AKAP13: variants seen among roughly 807,000 people sequenced by gnomAD.
AKAP13 encodes A-kinase anchoring protein 13, also known as A-kinase anchor protein 13.
Under a neutral mutation model 264.5 loss-of-function variants are expected in AKAP13, and 80 were observed. The observed-to-expected ratio is 0.30, with a 90% CI of 0.25 to 0.36. The LOEUF is 0.36. Ranked by LOEUF, AKAP13 falls within the 10% of genes least tolerant of loss-of-function variation. AKAP13 has a pLI of 1.00. For synonymous variants in AKAP13, 1,380 were observed against 1,250.2 expected, an observed-to-expected ratio of 1.10 and a Z score of -2.19; for missense variants, 3,712 against 3,435.2, an observed-to-expected ratio of 1.08 and a Z score of -2.01.
At chr15:85,700,059 A>G (rs1297818379) in intron 17 of AKAP13, among the ~76,000 whole-genome samples, 1 of 152,230 alleles carries the variant, frequency 6.6e-6, no homozygotes, top group Non-Finnish European at 1.5e-5. Context: ...GAAGTTGTCT[A>G]ATATATGCCA....
At chr15:85,422,511 T>G (rs1448317361) in intron 1 of AKAP13, among the ~76,000 whole-genome samples, 1 of 152,262 alleles carries the variant, frequency 6.6e-6, no homozygotes, top group African/African-American at 2.4e-5. Flanking sequence ...TTGGTTAGTT[T>G]GGACTTTTCT....
chr15:85,580,123 C>G lies in AKAP13; in HGVS notation c.2055C>G (p.Asn685Lys). The change falls in exon 7 of 37, where the codon AAC becomes AAG. Residue 685 changes from asparagine to lysine, a missense_variant. This residue lies in a region of AKAP13 where 2,759 missense variants were observed against 2,411.7 expected (regional missense o/e 1.14). Transcript: ENST00000394518. ...ATTTGGTTGCAAAACTGTGTGATAA[C>G]ATAGTTAGCGAGTCCGAAAGCACCA... is the stretch of plus-strand genomic sequence containing the variant. ...SGDLVAKLCD[N>K]IVSESESTTA... 1 of 1,614,204 alleles carries G rather than the reference C, an allele frequency of 6.2e-7. No homozygotes were observed. The highest frequency in any genetic ancestry group is 1.3e-5 in the African/African-American group (1 of 75,044).
At chr15:85,387,535 G>C (rs2070635596) in intron 1 of AKAP13, among the ~76,000 whole-genome samples, 1 of 152,034 alleles carries the variant, frequency 6.6e-6, no homozygotes, top group Non-Finnish European at 1.5e-5. Context: ...ATGTTGCCCA[G>C]GCTGGCCTCA....
At chr15:85,659,671 C>T (rs1330544795) in intron 12 of AKAP13, among the ~76,000 whole-genome samples, 3 of 152,164 alleles carry the variant, frequency 2.0e-5, no homozygotes, top group African/African-American at 7.2e-5. Flanking sequence ...TAAAAACATG[C>T]ACTTGATGAC....
rs148842538 is a variant in AKAP13, at chr15:85,580,360, A to G, written c.2292A>G (p.Pro764=). 3.6e-5 allele frequency: 58 copies of G among 1,614,138 alleles called. No individual in the cohort carries two copies. The highest frequency in any genetic ancestry group is 4.5e-5 in the Non-Finnish European group (53 of 1,180,052). Residue 764 remains proline (P), a synonymous_variant, in exon 7 of 37, where the codon CCA becomes CCG. Transcript: ENST00000394518. ...TTGAGGTGGTTTCACATCCACATCCAGTTGTCCCTAAAATGGAGAAAGAAC... is the reference window on the plus strand; with the variant it reads ...TTGAGGTGGTTTCACATCCACATCCGGTTGTCCCTAAAATGGAGAAAGAAC... ...NMLEVVSHPH[P]VVPKMEKELV...
intron 8 of AKAP13, among the ~76,000 whole-genome samples, chr15:85,631,274 CAG>C (rs2081788514): frequency 6.6e-6 from 1 of 151,848 alleles, no homozygotes; most frequent in Admixed American, 6.6e-5. Context: ...CACTAGGGGA[CAG>C]GGGATGGGGG....
At chr15:85,397,496 A>G (rs1054100001) in intron 1 of AKAP13, among the ~76,000 whole-genome samples, 2 of 152,294 alleles carry the variant, frequency 1.3e-5, no homozygotes, top group African/African-American at 2.4e-5. Flanking sequence ...AAGAAAAATT[A>G]TATTTATTCT....
intron 14 of AKAP13, among the ~76,000 whole-genome samples, chr15:85,677,873 C>T (rs1262002127): frequency 6.6e-6 from 1 of 152,124 alleles, no homozygotes; most frequent in Non-Finnish European, 1.5e-5. Context: ...TGATCTCGAT[C>T]TCTTGACCTC....
intron 16 of AKAP13, chr15:85,685,357 T>G (rs2084840009): frequency 6.6e-6 from 1 of 152,376 alleles, no homozygotes; most frequent in African/African-American, 2.4e-5. Context: ...CACAGAAGAT[T>G]ACAAGAACTT....
At chr15:85,562,871 GT>G (rs71141408) in intron 5 of AKAP13, among the ~76,000 whole-genome samples, 52,631 of 133,622 alleles carry the variant, frequency 0.39, 11,145 homozygotes, top group Middle Eastern at 0.53. Context: ...GGTTTTTTTT[GT>G]TTTTTTTTTT....
At chr15:85,463,040 AAAAG>A (rs1412555995) in intron 1 of AKAP13, among the ~76,000 whole-genome samples, 9 of 150,730 alleles carry the variant, frequency 6.0e-5, no homozygotes, top group African/African-American at 2.2e-4. Flanking sequence ...AAAAAAAAAA[AAAAG>A]AAATAAAAAT....
At position 85,381,098 on chromosome 15, in the gene AKAP13, C is replaced by T. The variant is rs1034423298; in HGVS notation, c.-12+300C>T. ...CCGTCGCCGCTTTCCGGGTGGGGGG[C>T]GCGCCCGGCCGCCGATGCTACCTCA... On this transcript the variant is annotated intron_variant, in intron 1 of 36. Coordinates refer to ENST00000394518, the MANE Select transcript of AKAP13 (RefSeq NM_007200.5). Among the ~76,000 whole-genome samples, 21 of 152,090 alleles carry T rather than the reference C, an allele frequency of 1.4e-4. 1 individual carries two copies. Among genetic ancestry groups the T allele is most frequent in the Admixed American group, 7.8e-4 (12 of 15,294 alleles).
At position 85,534,601 on chromosome 15, in the gene AKAP13, A is replaced by AT. The variant is rs750139830; in HGVS notation, c.478+736dup. ...AGGCATGTACCACCATGCCTAGCAA[A>AT]TTTTTTTTTTTTTTTAATTAGAGAC... On this transcript the variant is annotated intron_variant, in intron 4 of 36. Transcript: ENST00000394518. 279 of 143,422 alleles carry AT rather than the reference A, an allele frequency of 1.9e-3. No individual in the cohort carries two copies. The Middle Eastern group carries it at 0.026, about 13-fold the overall frequency. The allele number at this position is 143,422 out of a possible 1,614,324, so 8.9% of individuals were successfully genotyped here.
chr15:85,718,416 T>G lies in AKAP13; in HGVS notation c.6001+257T>G, dbSNP rs1374526928. Among the ~76,000 whole-genome samples the G allele has an allele frequency of 7.9e-5, 12 of 152,184 alleles. No individual in the cohort carries two copies. The highest frequency in any genetic ancestry group is 1.8e-4 in the Non-Finnish European group (12 of 68,026). On this transcript the variant is annotated intron_variant, in intron 22 of 36. Coordinates refer to ENST00000394518, the MANE Select transcript of AKAP13 (RefSeq NM_007200.5). This position sits in a 1 kb window ranked among gnomAD's most constrained non-coding sequence, Gnocchi z 4.9. ...TTTATACAGCAGTCCTAGAAAGAGA[T>G]ATCTCAGTTTTTTTCCTTACCTACA...
intron 1 of AKAP13, among the ~76,000 whole-genome samples, chr15:85,463,469 A>T (rs1476837743): frequency 6.6e-6 from 1 of 152,202 alleles, no homozygotes; most frequent in African/African-American, 2.4e-5. Flanking sequence ...GGTCTTACAG[A>T]TCCACACTGT....
At chr15:85,571,028 AG>A (rs1036972521) in intron 5 of AKAP13, among the ~76,000 whole-genome samples, 8 of 151,806 alleles carry the variant, frequency 5.3e-5, no homozygotes, top group Middle Eastern at 3.4e-3. Flanking sequence ...CTGAGAAAGG[AG>A]AAAAGGTCTT....
At chr15:85,630,196 C>G (rs2081654771) in intron 8 of AKAP13, among the ~76,000 whole-genome samples, 1 of 79,148 alleles carries the variant, frequency 1.3e-5, no homozygotes, top group Non-Finnish European at 2.9e-5. Flanking sequence ...CACACACACA[C>G]ACACACACAC....
At chr15:85,650,173 T>C (rs1406519163) in intron 10 of AKAP13, among the ~76,000 whole-genome samples, 2 of 152,212 alleles carry the variant, frequency 1.3e-5, no homozygotes, top group Non-Finnish European at 2.9e-5. Context: ...TTCACACTTG[T>C]AATCCCAACA....
At chr15:85,614,610 A>G (rs1413486741) in intron 8 of AKAP13, among the ~76,000 whole-genome samples, 2 of 152,214 alleles carry the variant, frequency 1.3e-5, no homozygotes, top group Non-Finnish European at 2.9e-5. Flanking sequence ...ATGAGTAATG[A>G]ATCCCAAGTT....
Sources: gnomAD v4.1 joint callset for allele counts (sites outside exome capture counted in the v4.1 genomes callset) on GRCh38, gnomAD v4.1.1 for gene constraint, gnomAD v4.1.1 regional missense constraint, Gnocchi (gnomAD v3.1) non-coding constraint, MANE v1.5 for transcripts, NCBI Gene and HGNC (gene_info 2026-07-23, HGNC 2026-07-21) for gene names.